Variants in GPR161 observed in about 807,000 individuals in gnomAD.
GPR161 encodes the protein G-protein coupled receptor RE2.
A neutral mutation model predicts 39.2 loss-of-function variants in GPR161; 25 were observed. The ratio of observed to expected loss-of-function variants is 0.64; its 90% CI spans 0.47 to 0.89. GPR161 has a LOEUF of 0.89. GPR161 is among the 40% of genes least tolerant of loss of function. The probability of loss-of-function intolerance (pLI) is 0.00; values close to 1 mark genes in which losing one functional copy is unlikely to be tolerated. For missense variants in GPR161, 547 were observed against 677.8 expected (o/e 0.81, Z 2.14); for synonymous variants, 286 against 276.6 (o/e 1.03, Z -0.34).
chr1:168,099,232 A>G (rs574076893), intron 2 of GPR161, among the ~76,000 whole-genome samples: 3 of 152,080 alleles, frequency 2.0e-5, no homozygotes, highest in East Asian at 3.9e-4. Context: ...GCCTGCTGAG[A>G]CTCGGACCTG....
chr1:168,104,519 C>G lies in GPR161; in HGVS notation c.332G>C (p.Ser111Thr). ...NFSALLYLLI[S>T]SASMLTLGVI... ...CCCGAGGGTTAGCATGCTGGCAGAG[C>G]TGATCAGCAGGTAGAGGAGGGCAGA... Residue 111 changes from serine (S) to threonine (T), a missense_variant, in exon 2 of 6, where the codon AGC becomes ACC. Physicochemically the swap from Ser to Thr is moderately conservative, Grantham distance 58. Transcript: ENST00000682931. 1 of 1,614,052 alleles carries G rather than the reference C, an allele frequency of 6.2e-7. No individual in the cohort carries two copies. The highest frequency in any genetic ancestry group is 8.5e-7 in the Non-Finnish European group (1 of 1,179,982).
At chr1:168,110,924 C>CA (rs34703966) in intron 1 of GPR161, among the ~76,000 whole-genome samples, 49,973 of 131,350 alleles carry the variant, frequency 0.38, 8,845 homozygotes, top group Admixed American at 0.51. Context: ...AACTCTATCT[C>CA]AAAAAAAAAA....
chr1:168,085,755 G>A lies in GPR161; in HGVS notation c.1366C>T (p.His456Tyr). The change falls in exon 6 of 6, where the codon CAC becomes TAC. Residue 456 changes from histidine (H) to tyrosine (Y), a missense_variant. Coordinates refer to ENST00000682931, the MANE Select transcript of GPR161 (RefSeq NM_001375883.1). ...NSILHVKAEV[H>Y]KSLDSYAASL... ...GCTGCGTAACTGTCCAAGGACTTGTGTACTTCAGCTTTCACATGAAGAATC... is the reference window on the plus strand; with the variant it reads ...GCTGCGTAACTGTCCAAGGACTTGTATACTTCAGCTTTCACATGAAGAATC... 6.2e-7 allele frequency: 1 copy of A among 1,613,902 alleles called. No homozygotes were observed.
rs1694295976 is a variant in GPR161, at chr1:168,084,558, A to G, written c.*973T>C. 1 of 351,862 alleles carries G rather than the reference A, an allele frequency of 2.8e-6. No homozygotes were observed. The highest frequency in any genetic ancestry group is 4.0e-5 in the Admixed American group (1 of 24,966). 21.8% of individuals were successfully genotyped at this position (351,862 alleles called of 1,614,324 possible). A position where few individuals can be genotyped will look rare whatever the true frequency, so the allele number is the denominator to read the frequency against. ...ATCTTATTTATACCAGGCTTGTGAT[A>G]ATAGTAACTGTTGCTCTTGGGAGTG... On this transcript the variant is annotated 3_prime_UTR_variant, in exon 6 of 6. Coordinates refer to ENST00000682931, the MANE Select transcript of GPR161 (RefSeq NM_001375883.1).
chr1:168,100,967 G>A (rs1000269202), intron 2 of GPR161, among the ~76,000 whole-genome samples: 65 of 152,138 alleles, frequency 4.3e-4, no homozygotes, highest in Non-Finnish European at 4.7e-4. Flanking sequence ...TCCCCAGCAC[G>A]CCCTACTTTC....
At chr1:168,133,754 C>T in intron 1 of GPR161, 1 of 176,312 alleles carries the variant, frequency 5.7e-6, no homozygotes, top group Non-Finnish European at 1.1e-5. Flanking sequence ...CGCCACCATG[C>T]CCAGCTTCAT....
chr1:168,126,047 T>C (rs995756936), intron 1 of GPR161, among the ~76,000 whole-genome samples: 2 of 152,214 alleles, frequency 1.3e-5, no homozygotes, highest in African/African-American at 4.8e-5. Context: ...ACCAAATAAA[T>C]GAGGTTACAC....
Position 168,106,827 on chromosome 1 carries a change from A to G in GPR161, c.-44-1933T>C, listed in dbSNP as rs113774959. 2.9e-3 allele frequency among the ~76,000 whole-genome samples: 443 copies of G among 152,248 alleles called. 1 individual carries two copies. Among genetic ancestry groups the G allele is most frequent in the African/African-American group, 0.01 (421 of 41,532 alleles). ...CTGAATTTTGATTCAGTTATGTAAC[A>G]TATTAGTTACTCCAGCTTTGTGCTA... is the stretch of plus-strand genomic sequence containing the variant. On this transcript the variant is annotated intron_variant, in intron 1 of 5. Coordinates refer to ENST00000682931, the MANE Select transcript of GPR161 (RefSeq NM_001375883.1).
At chr1:168,091,871 C>T (rs765905973) in intron 3 of GPR161, among the ~76,000 whole-genome samples, 9 of 152,170 alleles carry the variant, frequency 5.9e-5, no homozygotes, top group Non-Finnish European at 8.8e-5. Context: ...TGAAGAAGAT[C>T]CACTGCCTGG....
intron 3 of GPR161, among the ~76,000 whole-genome samples, chr1:168,095,921 G>A (rs909329195): frequency 6.6e-6 from 1 of 152,022 alleles, no homozygotes; most frequent in South Asian, 2.1e-4. Context: ...GATCACTTGA[G>A]GTCAGGAGTT....
At chr1:168,133,949 A>C (rs1310920034) in intron 1 of GPR161, 2 of 839,376 alleles carry the variant, frequency 2.4e-6, no homozygotes, top group East Asian at 2.4e-4. Flanking sequence ...TACAGTGGTT[A>C]TCTCAAAGGT....
Position 168,083,447 on chromosome 1 carries a change from T to G in GPR161, c.*2084A>C, listed in dbSNP as rs1252939621. 1 of 152,274 alleles carries G rather than the reference T, an allele frequency of 6.6e-6. No homozygotes were observed. The highest frequency in any genetic ancestry group is 1.5e-5 in the Non-Finnish European group (1 of 68,116). 9.4% of individuals were successfully genotyped at this position (152,274 alleles called of 1,614,324 possible). Reference sequence around the variant, plus strand: ...AAAGCCAAGCTGCTGCACTCAAGAATGCCTACACCTAACCAGCAACCCATC... The same window carrying G: ...AAAGCCAAGCTGCTGCACTCAAGAAGGCCTACACCTAACCAGCAACCCATC... On this transcript the variant is annotated 3_prime_UTR_variant, in exon 6 of 6. Coordinates refer to ENST00000682931, the MANE Select transcript of GPR161 (RefSeq NM_001375883.1).
chr1:168,107,936 T>C (rs1187976754), intron 1 of GPR161, among the ~76,000 whole-genome samples: 1 of 152,178 alleles, frequency 6.6e-6, no homozygotes, highest in Non-Finnish European at 1.5e-5. Context: ...AAGGTAAAAA[T>C]ACTAAGTGTA....
chr1:168,108,395 C>T (rs1045357313), intron 1 of GPR161, among the ~76,000 whole-genome samples: 1 of 146,446 alleles, frequency 6.8e-6, no homozygotes, highest in African/African-American at 2.5e-5. Context: ...GGCCCAGCAA[C>T]TCCATATCTA....
intron 1 of GPR161, among the ~76,000 whole-genome samples, chr1:168,111,999 A>G (rs1697213962): frequency 6.6e-6 from 1 of 151,852 alleles, no homozygotes; most frequent in Admixed American, 6.6e-5. Context: ...ACAATGGAAT[A>G]ATATCTAAGG....
intron 2 of GPR161, among the ~76,000 whole-genome samples, chr1:168,101,855 G>A (rs1166824163): frequency 1.3e-5 from 2 of 152,026 alleles, no homozygotes; most frequent in African/African-American, 4.8e-5. Flanking sequence ...CACCCAGGCT[G>A]GAGTGCAATG....
upstream of GPR161, chr1:168,136,982 C>A: frequency 1.1e-6 from 1 of 900,630 alleles, no homozygotes. Flanking sequence ...CGGCCGGGCC[C>A]CTCCGGCCCC....
In GPR161 at chr1:168,136,803, G is replaced by A; in HGVS notation, c.-109C>T. Reference sequence around the variant, plus strand: ...CCGCCTCCCCGCCTCGGCCACCGCCGCCGCCGCTTCCTTCCTCCCCGCCGC... The same window carrying A: ...CCGCCTCCCCGCCTCGGCCACCGCCACCGCCGCTTCCTTCCTCCCCGCCGC... On this transcript the variant is annotated 5_prime_UTR_variant, in exon 1 of 6. Coordinates refer to ENST00000682931, the MANE Select transcript of GPR161 (RefSeq NM_001375883.1). 2 of 983,978 alleles carry A rather than the reference G, an allele frequency of 2.0e-6. No individual in the cohort carries two copies. Among genetic ancestry groups the A allele is most frequent in the Non-Finnish European group, 2.4e-6 (2 of 829,886 alleles). 61.0% of individuals were successfully genotyped at this position (983,978 alleles called of 1,614,324 possible). A position where few individuals can be genotyped will look rare whatever the true frequency, so the allele number is the denominator to read the frequency against.
intron 1 of GPR161, chr1:168,136,360 T>C: frequency 6.8e-7 from 1 of 1,469,296 alleles, no homozygotes; most frequent in Non-Finnish European, 9.0e-7. Context: ...GCGGCCCGCA[T>C]CGGCAGAGTC....
Sources: gnomAD v4.1 joint callset for allele counts (sites outside exome capture counted in the v4.1 genomes callset) on GRCh38, gnomAD v4.1.1 for gene constraint, MANE v1.5 for transcripts, NCBI Gene and HGNC (gene_info 2026-07-23, HGNC 2026-07-21) for gene names.